The following KIAA0040 variants were observed in gnomAD, a reference collection of about 807,000 sequenced individuals.
KIAA0040 encodes the protein uncharacterized protein KIAA0040.
In KIAA0040, 10 loss-of-function variants were observed where a neutral mutation model predicts 7.2. The ratio of observed to expected loss-of-function variants is 1.38; its 90% CI spans 0.85 to 2.34. KIAA0040 has a LOEUF of 2.34. KIAA0040 is among the 30% of genes most tolerant of loss of function. The probability of loss-of-function intolerance (pLI) is 0.00; values close to 1 mark genes in which losing one functional copy is unlikely to be tolerated. For synonymous variants in KIAA0040, 49 were observed against 40.1 expected, an observed-to-expected ratio of 1.22 and a Z score of -0.84; for missense variants, 89 against 108.2, an observed-to-expected ratio of 0.82 and a Z score of 0.79.
At chr1:175,185,098 GT>G (rs1351781152) in intron 1 of KIAA0040, among the ~76,000 whole-genome samples, 8 of 152,124 alleles carry the variant, frequency 5.3e-5, no homozygotes, top group African/African-American at 1.9e-4. Context: ...AAATCTAAAA[GT>G]TTTTGAGTGC....
chr1:175,166,710 T>G lies in KIAA0040; in HGVS notation c.-282A>C, dbSNP rs1676779337. ...AAACAATCGCTGAACACCCGCCCTG[T>G]GCATTCAGATCCTGATCACCGCCCA... On this transcript the variant is annotated 5_prime_UTR_variant, in exon 3 of 4. Coordinates refer to ENST00000423313, the MANE Select transcript of KIAA0040 (RefSeq NM_014656.3). The G allele has an allele frequency of 6.6e-6, 1 of 152,212 alleles. No individual in the cohort carries two copies. Among genetic ancestry groups the G allele is most frequent in the Admixed American group, 6.5e-5 (1 of 15,278 alleles). The allele number at this position is 152,212 out of a possible 1,614,324, so 9.4% of individuals were successfully genotyped here.
At chr1:175,191,222 T>C (rs1167562477) in intron 1 of KIAA0040, among the ~76,000 whole-genome samples, 1 of 152,232 alleles carries the variant, frequency 6.6e-6, no homozygotes. Context: ...TTGGCAAATG[T>C]TGAATGAATG....
intron 2 of KIAA0040, 70 bp downstream of exon 2, chr1:175,177,541 C>T (rs748273024): frequency 3.3e-5 from 5 of 152,184 alleles, no homozygotes; most frequent in Non-Finnish European, 7.3e-5. Context: ...GAGCCAAATT[C>T]TTGGCTAAAG....
intron 3 of KIAA0040, among the ~76,000 whole-genome samples, chr1:175,166,078 G>A (rs1052163214): frequency 2.6e-5 from 4 of 152,276 alleles, no homozygotes; most frequent in Middle Eastern, 6.8e-3. Flanking sequence ...GTAGGGGGAG[G>A]TGGGAGGTTC....
intron 1 of KIAA0040, among the ~76,000 whole-genome samples, chr1:175,188,439 A>T (rs1170244004): frequency 6.6e-6 from 1 of 152,166 alleles, no homozygotes; most frequent in East Asian, 1.9e-4. Flanking sequence ...GGAGGGAAAA[A>T]GTCTATCATG....
intron 3 of KIAA0040, among the ~76,000 whole-genome samples, chr1:175,164,805 T>C (rs933894666): frequency 2.4e-4 from 36 of 151,072 alleles, no homozygotes; most frequent in African/African-American, 8.1e-4. Flanking sequence ...TTAGTATTTA[T>C]GAGTCTTGCA....
chr1:175,187,335 T>A (rs568294882), intron 1 of KIAA0040, among the ~76,000 whole-genome samples: 1 of 152,254 alleles, frequency 6.6e-6, no homozygotes, highest in South Asian at 2.1e-4. Flanking sequence ...ACTCGGAAGG[T>A]CACTTTGACC....
At chr1:175,177,147 T>G (rs1677234589) in intron 2 of KIAA0040, among the ~76,000 whole-genome samples, 1 of 152,178 alleles carries the variant, frequency 6.6e-6, no homozygotes, top group Non-Finnish European at 1.5e-5. Context: ...GTCTCTGGGC[T>G]CTCCATGATG....
chr1:175,159,176 CAATACAAT>C lies in KIAA0040; in HGVS notation c.*1530_*1537del. On this transcript the variant is annotated 3_prime_UTR_variant, in exon 4 of 4. Coordinates refer to ENST00000423313, the MANE Select transcript of KIAA0040 (RefSeq NM_014656.3). ...ATTGTCCATCTTTGTAATACAGTCACAATACAATAAAAATACCAAGCAGTTCATCCTAT... is the reference window on the plus strand; with the variant it reads ...ATTGTCCATCTTTGTAATACAGTCACAAAAATACCAAGCAGTTCATCCTAT... The C allele has an allele frequency of 6.6e-6, 1 of 152,388 alleles. No individual in the cohort carries two copies. The allele number at this position is 152,388 out of a possible 1,614,324, so 9.4% of individuals were successfully genotyped here. A position where few individuals can be genotyped will look rare whatever the true frequency, so the allele number is the denominator to read the frequency against.
chr1:175,180,620 A>C lies in KIAA0040; in HGVS notation c.-383-2936T>G, dbSNP rs1327861528. On this transcript the variant is annotated intron_variant, in intron 1 of 3. Coordinates refer to ENST00000423313, the MANE Select transcript of KIAA0040 (RefSeq NM_014656.3). ...GGTATTCTTGGGTGCTCCTGAGTAG[A>C]TCTCTTTTGGAGACTGGCTACTTTT... Among the ~76,000 whole-genome samples, 3 of 152,214 alleles carry C rather than the reference A, an allele frequency of 2.0e-5. No individual in the cohort carries two copies. The East Asian group carries it at 5.8e-4, about 29-fold the overall frequency.
chr1:175,163,003 T>G (rs1001575413), intron 3 of KIAA0040, among the ~76,000 whole-genome samples: 1 of 152,188 alleles, frequency 6.6e-6, no homozygotes, highest in African/African-American at 2.4e-5. Context: ...CCTTATGAAG[T>G]AGGTACTGTG....
rs115328674 is a variant in KIAA0040 at position 175,161,934 on chromosome 1, T to C, written c.-133-788A>G. 3.1e-3 allele frequency among the ~76,000 whole-genome samples: 474 copies of C among 152,328 alleles called. 3 individuals carry two copies. The highest frequency in any genetic ancestry group is 5.1e-3 in the Non-Finnish European group (345 of 68,028). On this transcript the variant is annotated intron_variant, in intron 3 of 3. Transcript: ENST00000423313. ...AAATACTCCAAAGTCTCCTGCTCTC[T>C]TTCTTCTCTATGGGAGAGGAGTCCT...
At chr1:175,183,402 G>T (rs1677522308) in intron 1 of KIAA0040, among the ~76,000 whole-genome samples, 1 of 152,206 alleles carries the variant, frequency 6.6e-6, no homozygotes, top group African/African-American at 2.4e-5. Flanking sequence ...ATGTCCATGG[G>T]CCAGGAAGCC....
At chr1:175,179,277 G>C (rs927430798) in intron 1 of KIAA0040, among the ~76,000 whole-genome samples, 3 of 152,112 alleles carry the variant, frequency 2.0e-5, no homozygotes, top group Non-Finnish European at 4.4e-5. Flanking sequence ...TGAAAGTTGT[G>C]AGCAGAGGAG....
chr1:175,184,475 T>C (rs1293917602), intron 1 of KIAA0040, among the ~76,000 whole-genome samples: 3 of 152,168 alleles, frequency 2.0e-5, no homozygotes, highest in Non-Finnish European at 2.9e-5. Flanking sequence ...GCCAAAGCCA[T>C]TGGAGGCCTT....
chr1:175,158,539 G>T lies in KIAA0040; in HGVS notation c.*2175C>A, dbSNP rs544034113. On this transcript the variant is annotated 3_prime_UTR_variant, in exon 4 of 4. Transcript: ENST00000423313. ...GCCATCCATTCTAGGGGGACTGAGA[G>T]GTGGAGACAGGAAGGGCAGCTTGTC... The T allele has an allele frequency of 6.6e-6, 1 of 152,496 alleles. No homozygotes were observed. Among genetic ancestry groups the T allele is most frequent in the South Asian group, 2.1e-4 (1 of 4,826 alleles). The allele number at this position is 152,496 out of a possible 1,614,324, so 9.4% of individuals were successfully genotyped here. A position where few individuals can be genotyped will look rare whatever the true frequency, so the allele number is the denominator to read the frequency against.
At chr1:175,184,183 C>A (rs948832908) in intron 1 of KIAA0040, among the ~76,000 whole-genome samples, 19 of 152,162 alleles carry the variant, frequency 1.2e-4, no homozygotes, top group African/African-American at 4.3e-4. Flanking sequence ...CTTGTACCTG[C>A]CAACTGAGAT....
intron 1 of KIAA0040, among the ~76,000 whole-genome samples, chr1:175,178,084 G>A (rs973908613): frequency 6.6e-6 from 1 of 152,242 alleles, no homozygotes; most frequent in African/African-American, 2.4e-5. Flanking sequence ...CAGAATGGCT[G>A]GATGGAGACC....
At position 175,175,221 on chromosome 1, in the gene KIAA0040, CA is replaced by C. The variant is rs1677139694; in HGVS notation, c.-310+2389del. Among the ~76,000 whole-genome samples the C allele has an allele frequency of 5.9e-5, 9 of 152,316 alleles. No homozygotes were observed. In the South Asian group the frequency reaches 1.9e-3, roughly 32 times the overall value. On this transcript the variant is annotated intron_variant, in intron 2 of 3. Coordinates refer to ENST00000423313, the MANE Select transcript of KIAA0040 (RefSeq NM_014656.3). ...CTTGTGTCATTCAGGGTCTCCCACA[CA>C]GGTAGTAATTAAAAGTTGCATAATT...
Sources: gnomAD v4.1 joint callset for allele counts (sites outside exome capture counted in the v4.1 genomes callset) on GRCh38, gnomAD v4.1.1 for gene constraint, MANE v1.5 for transcripts, NCBI Gene and HGNC (gene_info 2026-07-23, HGNC 2026-07-21) for gene names.